Variants in SPOCK3 observed in about 807,000 individuals in gnomAD.
The protein encoded by SPOCK3 is SPARC (osteonectin), cwcv and kazal like domains proteoglycan 3.
In SPOCK3, 30 loss-of-function variants were observed where a neutral mutation model predicts 56.6. That is an observed-to-expected ratio of 0.53 (90% CI 0.40 to 0.72). The LOEUF (loss-of-function observed/expected upper bound fraction) is 0.72, where lower values mean the gene tolerates loss of function less well. Ranked by LOEUF, SPOCK3 falls within the 30% of genes least tolerant of loss-of-function variation. The pLI is 0.00. For missense variants in SPOCK3, 527 were observed against 530.0 expected (o/e 0.99, Z 0.06); for synonymous variants, 196 against 183.3 (o/e 1.07, Z -0.56).
Position 167,075,839 on chromosome 4 carries a change from GAT to G in SPOCK3, c.190-13304_190-13303del, listed in dbSNP as rs577798427. On this transcript the variant is annotated intron_variant, in intron 2 of 10. Coordinates refer to ENST00000357545, the MANE Select transcript of SPOCK3 (RefSeq NM_001040159.2). ...TACTTCTATTTTGTATGTGAATTAG[GAT>G]ATATATGTGTTCTTCTCTCTTACAT... Among the ~76,000 whole-genome samples the G allele has an allele frequency of 8.6e-5, 13 of 151,846 alleles. No homozygotes were observed. The East Asian group carries it at 2.5e-3, about 30-fold the overall frequency.
intron 2 of SPOCK3, among the ~76,000 whole-genome samples, chr4:167,122,736 T>G (rs138493404): frequency 2.6e-4 from 39 of 152,296 alleles, no homozygotes; most frequent in Admixed American, 7.2e-4. Context: ...ATTAATGAAA[T>G]GTATAATTAC....
At chr4:166,786,073 C>T (rs1740698692) in intron 7 of SPOCK3, among the ~76,000 whole-genome samples, 2 of 151,870 alleles carry the variant, frequency 1.3e-5, no homozygotes, top group Admixed American at 1.3e-4. Context: ...AATAATGAAG[C>T]AACATAAAGA....
chr4:167,038,234 A>G (rs1752933029), intron 3 of SPOCK3, among the ~76,000 whole-genome samples: 1 of 152,210 alleles, frequency 6.6e-6, no homozygotes, highest in South Asian at 2.1e-4. Flanking sequence ...AGGTCCAGAT[A>G]CTAGTGTCTA....
At chr4:166,746,660 C>T (rs1489269705) in intron 8 of SPOCK3, among the ~76,000 whole-genome samples, 1 of 152,058 alleles carries the variant, frequency 6.6e-6, no homozygotes, top group African/African-American at 2.4e-5. Context: ...GAGATAAAGA[C>T]ACAAAATCCC....
At chr4:167,056,073 C>A (rs1200304267) in intron 3 of SPOCK3, among the ~76,000 whole-genome samples, 1 of 152,144 alleles carries the variant, frequency 6.6e-6, no homozygotes, top group Non-Finnish European at 1.5e-5. Context: ...CAGACTGACA[C>A]CTCACATGGA....
intron 2 of SPOCK3, among the ~76,000 whole-genome samples, chr4:167,095,181 C>T (rs1274500173): frequency 6.6e-6 from 1 of 152,104 alleles, no homozygotes; most frequent in Non-Finnish European, 1.5e-5. Flanking sequence ...CTAACAGACA[C>T]ACCTAGAATA....
chr4:166,906,408 A>G (rs1376398469), intron 5 of SPOCK3, among the ~76,000 whole-genome samples: 1 of 151,646 alleles, frequency 6.6e-6, no homozygotes, highest in African/African-American at 2.4e-5. Context: ...AAGCTCAAGG[A>G]ATTTTCCCAT....
At chr4:167,065,127 T>TTTTGCTG (rs1437933775) in intron 2 of SPOCK3, among the ~76,000 whole-genome samples, 4 of 149,872 alleles carry the variant, frequency 2.7e-5, no homozygotes, top group African/African-American at 9.9e-5. Context: ...GAAAAAATGT[T>TTTTGCTG]TTTGCTGTCA....
chr4:166,779,056 A>C (rs1293724320), intron 7 of SPOCK3, among the ~76,000 whole-genome samples: 4 of 152,166 alleles, frequency 2.6e-5, no homozygotes, highest in Admixed American at 6.6e-5. Flanking sequence ...CACAGGCTTC[A>C]ATCACCTCTG....
intron 2 of SPOCK3, among the ~76,000 whole-genome samples, chr4:167,214,745 T>C (rs1326753855): frequency 6.6e-6 from 1 of 152,096 alleles, no homozygotes; most frequent in African/African-American, 2.4e-5. Flanking sequence ...GTGTTTCTTC[T>C]TACCTAAAAT....
At position 167,234,105 on chromosome 4, in the gene SPOCK3, G is replaced by A. The variant is rs761642444; in HGVS notation, c.69C>T (p.Ala23=). ...AAWCSQSLAA[A]AAVAAAGGRS... is the part of the protein sequence containing the mutation. Reference sequence around the variant, plus strand: ...GCCCCCCGGCTGCAGCCACCGCCGCGGCAGCTGCGAGAGACTGACTGCACC... The same window carrying A: ...GCCCCCCGGCTGCAGCCACCGCCGCAGCAGCTGCGAGAGACTGACTGCACC... Residue 23 remains alanine (A), a synonymous_variant, in exon 2 of 11, where the codon GCC becomes GCT. Coordinates refer to ENST00000357545, the MANE Select transcript of SPOCK3 (RefSeq NM_001040159.2). 3 of 1,613,898 alleles carry A rather than the reference G, an allele frequency of 1.9e-6. No individual in the cohort carries two copies. The African/African-American group carries it at 4.0e-5, about 22-fold the overall frequency.
intron 2 of SPOCK3, among the ~76,000 whole-genome samples, chr4:167,228,653 G>A (rs1266527974): frequency 6.6e-6 from 1 of 152,088 alleles, no homozygotes; most frequent in African/African-American, 2.4e-5. Flanking sequence ...TTAAAAAATA[G>A]GAGTGTGGAG....
In SPOCK3 at chr4:167,234,072, G is replaced by T. The variant is rs749616258; in HGVS notation, c.102C>A (p.Asp34Glu). The change falls in exon 2 of 11, where the codon GAC (aspartate) becomes GAA (glutamate). Residue 34 changes from aspartate (D) to glutamate (E), a missense_variant. Physicochemically the swap from Asp to Glu is conservative, Grantham distance 45 (BLOSUM62 2). Coordinates refer to ENST00000357545, the MANE Select transcript of SPOCK3 (RefSeq NM_001040159.2). ...GTTTATCATCCAGAAAATTACCGCC[G>T]TCCGACCGCCCCCCGGCTGCAGCCA... ...AAVAAAGGRS[D>E]GGNFLDDKQW... The T allele has an allele frequency of 1.2e-6, 2 of 1,613,878 alleles. No homozygotes were observed. The highest frequency in any genetic ancestry group is 1.7e-6 in the Non-Finnish European group (2 of 1,179,994).
chr4:166,850,759 C>T (rs61600724), intron 6 of SPOCK3, among the ~76,000 whole-genome samples: 75 of 152,340 alleles, frequency 4.9e-4, no homozygotes, highest in African/African-American at 1.4e-3. Flanking sequence ...GCTTTTCCGA[C>T]GGGCTTAAAA....
chr4:167,004,135 T>C (rs1458539526), intron 3 of SPOCK3, among the ~76,000 whole-genome samples: 1 of 152,168 alleles, frequency 6.6e-6, no homozygotes, highest in Non-Finnish European at 1.5e-5. Flanking sequence ...GATGTATAAA[T>C]AGTTATTAAT....
chr4:167,140,155 G>A (rs575960829), intron 2 of SPOCK3, among the ~76,000 whole-genome samples: 44 of 152,028 alleles, frequency 2.9e-4, no homozygotes, highest in Non-Finnish European at 4.4e-4. Context: ...ATTTCCTTCT[G>A]TGAGATGATG....
At chr4:167,032,314 G>C (rs1752351445) in intron 3 of SPOCK3, among the ~76,000 whole-genome samples, 1 of 151,904 alleles carries the variant, frequency 6.6e-6, no homozygotes. Flanking sequence ...GTCAGCTAGA[G>C]CTCCAGAGGC....
rs113501112 is a variant in SPOCK3, at chr4:166,934,679, T to C, written c.351-21936A>G. Reference sequence around the variant, plus strand: ...ATAATTTATGATTATTAAAACAATGTTGTGATAAACACTCCTTTTCCATAC... The same window carrying C: ...ATAATTTATGATTATTAAAACAATGCTGTGATAAACACTCCTTTTCCATAC... On this transcript the variant is annotated intron_variant, in intron 4 of 10. Transcript: ENST00000357545. 7.2e-3 allele frequency among the ~76,000 whole-genome samples: 1,100 copies of C among 152,242 alleles called. 6 individuals are homozygous for C. Among genetic ancestry groups the C allele is most frequent in the Non-Finnish European group, 0.01 (703 of 67,992 alleles).
chr4:166,921,782 T>A (rs999898414), intron 4 of SPOCK3, among the ~76,000 whole-genome samples: 2 of 152,230 alleles, frequency 1.3e-5, no homozygotes. Flanking sequence ...TTACTTATAG[T>A]TACAGCTACA....
Sources: gnomAD v4.1 joint callset for allele counts (sites outside exome capture counted in the v4.1 genomes callset) on GRCh38, gnomAD v4.1.1 for gene constraint, MANE v1.5 for transcripts, NCBI Gene and HGNC (gene_info 2026-07-23, HGNC 2026-07-21) for gene names.